KCNIP4: variants seen among roughly 807,000 people sequenced by gnomAD.
KCNIP4 encodes potassium voltage-gated channel interacting protein 4.
A neutral mutation model predicts 34.0 loss-of-function variants in KCNIP4; 12 were observed. That is an observed-to-expected ratio of 0.35 (90% CI 0.23 to 0.57). KCNIP4 has a LOEUF of 0.57. KCNIP4 is among the 20% of genes least tolerant of loss of function. The pLI is 0.83. For missense variants in KCNIP4, 238 were observed against 311.7 expected, an observed-to-expected ratio of 0.76 and a Z score of 1.78; for synonymous variants, 124 against 102.2, an observed-to-expected ratio of 1.21 and a Z score of -1.29.
intron 1 of KCNIP4, among the ~76,000 whole-genome samples, chr4:21,421,428 T>C (rs572677903): frequency 6.6e-6 from 1 of 152,298 alleles, no homozygotes; most frequent in East Asian, 1.9e-4. Context: ...CACAATGCAA[T>C]ATTACTGAGC....
rs187355797 is a variant in KCNIP4 at position 21,421,854 on chromosome 4, C to T, written c.61+526717G>A. Among the ~76,000 whole-genome samples the T allele has an allele frequency of 2.5e-3, 381 of 152,278 alleles. 3 individuals carry two copies. Among genetic ancestry groups the T allele is most frequent in the Non-Finnish European group, 5.7e-4 (39 of 68,024 alleles). On this transcript the variant is annotated intron_variant, in intron 1 of 8. Transcript: ENST00000382152. ...GTATACATATATCAAAACATCACCT[C>T]TATATGAGAAGTCACTCTTCATTCT...
At chr4:21,865,628 C>T (rs1357776489) in intron 1 of KCNIP4, among the ~76,000 whole-genome samples, 1 of 151,854 alleles carries the variant, frequency 6.6e-6, no homozygotes, top group Non-Finnish European at 1.5e-5. Context: ...ACTGCAACCT[C>T]CGCCTCCCGG....
At chr4:21,343,236 A>G (rs2109352248) in intron 1 of KCNIP4, among the ~76,000 whole-genome samples, 1 of 152,238 alleles carries the variant, frequency 6.6e-6, no homozygotes, top group East Asian at 1.9e-4. Flanking sequence ...AAATGTACAT[A>G]ATGTACTTGG....
intron 1 of KCNIP4, among the ~76,000 whole-genome samples, chr4:20,981,870 T>C (rs1434100514): frequency 6.6e-6 from 1 of 152,210 alleles, no homozygotes; most frequent in African/African-American, 2.4e-5. Context: ...TGTGTGTAGA[T>C]ATAGAAATAT....
intron 1 of KCNIP4, among the ~76,000 whole-genome samples, chr4:21,809,284 G>T (rs1352367973): frequency 6.6e-6 from 1 of 152,114 alleles, no homozygotes; most frequent in Non-Finnish European, 1.5e-5. Flanking sequence ...ATCTTCTCCT[G>T]CTCTTGGACA....
At chr4:21,028,820 GT>G (rs1366847919) in intron 1 of KCNIP4, among the ~76,000 whole-genome samples, 2 of 152,286 alleles carry the variant, frequency 1.3e-5, no homozygotes, top group African/African-American at 4.8e-5. Context: ...CCATGTCTAA[GT>G]TGGGAAGGAT....
chr4:20,904,277 T>C (rs1390908964), intron 1 of KCNIP4, among the ~76,000 whole-genome samples: 1 of 151,178 alleles, frequency 6.6e-6, no homozygotes, highest in Admixed American at 6.6e-5. Context: ...TTATGGGGCA[T>C]TGATTTATAA....
At chr4:21,414,950 T>A (rs918671220) in intron 1 of KCNIP4, among the ~76,000 whole-genome samples, 1 of 152,192 alleles carries the variant, frequency 6.6e-6, no homozygotes, top group Middle Eastern at 3.2e-3. Context: ...TTCTTTTTTT[T>A]ATGATCATTC....
At chr4:21,509,946 T>G (rs1444469606) in intron 1 of KCNIP4, among the ~76,000 whole-genome samples, 1 of 151,762 alleles carries the variant, frequency 6.6e-6, no homozygotes, top group Non-Finnish European at 1.5e-5. Flanking sequence ...GGTGAAACCC[T>G]GTCTCTATGA....
intron 1 of KCNIP4, among the ~76,000 whole-genome samples, chr4:20,978,354 GAT>G (rs1348980616): frequency 1.3e-5 from 2 of 152,196 alleles, no homozygotes; most frequent in Non-Finnish European, 2.9e-5. Context: ...GGGATAAATA[GAT>G]ATGAACTGGC....
Position 21,893,054 on chromosome 4 carries a change from T to C in KCNIP4, c.61+55517A>G, listed in dbSNP as rs1219669147. ...TGCCAATCACAAGTTACAGACACAATGACATTTCAGGTAACCTAATGCATT... is the reference window on the plus strand; with the variant it reads ...TGCCAATCACAAGTTACAGACACAACGACATTTCAGGTAACCTAATGCATT... On this transcript the variant is annotated intron_variant, in intron 1 of 8. Transcript: ENST00000382152. 2.0e-5 allele frequency among the ~76,000 whole-genome samples: 3 copies of C among 152,194 alleles called. No individual in the cohort carries two copies. In the East Asian group the frequency reaches 5.8e-4, roughly 29 times the overall value.
At chr4:21,504,475 A>AAAAAAAAAAAAGAAAG (rs1264431211) in intron 1 of KCNIP4, among the ~76,000 whole-genome samples, 43 of 101,858 alleles carry the variant, frequency 4.2e-4, no homozygotes, top group African/African-American at 1.6e-3. Flanking sequence ...CAAAAAAAAA[A>AAAAAAAAAAAAGAAAG]AAAGAAAGAA....
intron 1 of KCNIP4, among the ~76,000 whole-genome samples, chr4:21,486,418 T>C (rs1392648147): frequency 6.6e-6 from 1 of 151,958 alleles, no homozygotes; most frequent in Non-Finnish European, 1.5e-5. Flanking sequence ...ACCTAGAAGA[T>C]GAGATATAAG....
At chr4:21,249,581 G>T (rs1461964854) in intron 1 of KCNIP4, among the ~76,000 whole-genome samples, 1 of 152,026 alleles carries the variant, frequency 6.6e-6, no homozygotes, top group African/African-American at 2.4e-5. Context: ...GCCTGACAGT[G>T]TCCAGCACAG....
rs1560338063 is a variant in KCNIP4 at position 21,370,846 on chromosome 4, TATATAC to T, written c.62-488143_62-488138del. Among the ~76,000 whole-genome samples the T allele has an allele frequency of 1.2e-3, 29 of 24,494 alleles. 1 individual carries two copies. Among genetic ancestry groups the T allele is most frequent in the Non-Finnish European group, 1.3e-3 (22 of 16,802 alleles). The allele number at this position is 24,494 out of a possible 152,430, so 16.1% of individuals were successfully genotyped here. The stretch of plus-strand genomic sequence containing the variant: ...ATATATATATATATATATATATATA[TATATAC>T]ACACACACACACACACACACACACA... On this transcript the variant is annotated intron_variant, in intron 1 of 8. Coordinates refer to ENST00000382152, the MANE Select transcript of KCNIP4 (RefSeq NM_025221.6).
intron 1 of KCNIP4, among the ~76,000 whole-genome samples, chr4:21,002,723 G>A (rs986041213): frequency 5.3e-5 from 8 of 152,148 alleles, no homozygotes; most frequent in Non-Finnish European, 7.4e-5. Flanking sequence ...GGATGATTGC[G>A]ATGCAAGCTC....
At chr4:21,798,900 A>G (rs574128078) in intron 1 of KCNIP4, among the ~76,000 whole-genome samples, 84 of 152,260 alleles carry the variant, frequency 5.5e-4, no homozygotes, top group Middle Eastern at 3.4e-3. Flanking sequence ...TGGTGTATCA[A>G]TACTTTTCAC....
At chr4:21,113,587 G>T (rs1196385988) in intron 1 of KCNIP4, among the ~76,000 whole-genome samples, 2 of 152,036 alleles carry the variant, frequency 1.3e-5, no homozygotes, top group South Asian at 4.1e-4. Flanking sequence ...TCTGCTGTTG[G>T]GGGAGAGATT....
intron 3 of KCNIP4, among the ~76,000 whole-genome samples, chr4:20,810,053 G>A (rs1020811134): frequency 3.9e-5 from 6 of 152,204 alleles, no homozygotes; most frequent in African/African-American, 1.2e-4. Flanking sequence ...CTCAGGCCAA[G>A]GTGAGCACTC....
Sources: gnomAD v4.1 joint callset for allele counts (sites outside exome capture counted in the v4.1 genomes callset) on GRCh38, gnomAD v4.1.1 for gene constraint, MANE v1.5 for transcripts, NCBI Gene and HGNC (gene_info 2026-07-23, HGNC 2026-07-21) for gene names.